The following BPTF variants were observed in gnomAD, a reference collection of about 807,000 sequenced individuals.
BPTF encodes bromodomain PHD finger transcription factor.
Under a neutral mutation model 292.5 loss-of-function variants are expected in BPTF, and 18 were observed. That is an observed-to-expected ratio of 0.06 (90% confidence interval 0.04 to 0.09). The LOEUF (loss-of-function observed/expected upper bound fraction) is 0.09. Among genes scored for constraint, BPTF ranks in the 10% least tolerant of loss-of-function variants. The pLI is 1.00. For missense variants in BPTF, 2,726 were observed against 3,498.7 expected, an observed-to-expected ratio of 0.78 and a Z score of 5.57; for synonymous variants, 1,225 against 1,251.9, an observed-to-expected ratio of 0.98 and a Z score of 0.45.
chr17:67,921,540 A>G (rs1005327317), intron 13 of BPTF, among the ~76,000 whole-genome samples: 8 of 152,106 alleles, frequency 5.3e-5, no homozygotes, highest in African/African-American at 1.9e-4. Flanking sequence ...TAAATAAATA[A>G]ATAAATAAAT....
chr17:67,968,861 A>G lies in BPTF; in HGVS notation c.8539+2205A>G, dbSNP rs141798356. ...GCCCGGCGTGGTGGCACATGCCTAT[A>G]ATCCTAGCTGCTCGGGAGGCTGAGG... On this transcript the variant is annotated intron_variant, in intron 26 of 27. Transcript: ENST00000306378. 9.9e-5 allele frequency among the ~76,000 whole-genome samples: 15 copies of G among 151,564 alleles called. No homozygotes were observed. The East Asian group carries it at 2.9e-3, about 29-fold the overall frequency.
chr17:67,943,607 G>A (rs1373613742), intron 19 of BPTF, among the ~76,000 whole-genome samples: 1 of 152,082 alleles, frequency 6.6e-6, no homozygotes, highest in Non-Finnish European at 1.5e-5. Flanking sequence ...GGCACGTATT[G>A]AAAGACAAAA....
chr17:67,913,085 AAGG>A lies in BPTF; in HGVS notation c.5206_5208del (p.Gly1736del). The A allele has an allele frequency of 6.2e-7, 1 of 1,614,176 alleles. No homozygotes were observed. On this transcript the variant is annotated inframe_deletion, in exon 11 of 28. Transcript: ENST00000306378. ...GATGACTTAAAAAAGTTGGCCCGAA[AAGG>A]AGGAATCCGAGAGGTCCCTTATTTT...
At position 67,923,055 on chromosome 17, in the gene BPTF, ACT is replaced by A; in HGVS notation, c.5708+66_5708+67del. On this transcript the variant is annotated intron_variant, in intron 14 of 27. Coordinates refer to ENST00000306378, the MANE Select transcript of BPTF (RefSeq NM_182641.4). ...TTTATCACTTCAGAATCAATAAATT[ACT>A]TTTTTTTTTTTTTTTTGAGACAGGA... 5 of 1,370,054 alleles carry A rather than the reference ACT, an allele frequency of 3.6e-6. No homozygotes were observed. The South Asian group carries it at 7.8e-5, about 21-fold the overall frequency. 84.9% of individuals were successfully genotyped at this position (1,370,054 alleles called of 1,614,324 possible).
chr17:67,906,020 G>A (rs2062164015), intron 9 of BPTF, among the ~76,000 whole-genome samples: 2 of 152,074 alleles, frequency 1.3e-5, no homozygotes, highest in South Asian at 2.1e-4. Context: ...TGCACGTTGT[G>A]CGCACGTACC....
chr17:67,856,295 T>C lies in BPTF; in HGVS notation c.1436+1533T>C, dbSNP rs1288277028. Among the ~76,000 whole-genome samples the C allele has an allele frequency of 4.6e-5, 7 of 152,260 alleles. No homozygotes were observed. The East Asian group carries it at 1.3e-3, about 29-fold the overall frequency. On this transcript the variant is annotated intron_variant, in intron 2 of 27. Coordinates refer to ENST00000306378, the MANE Select transcript of BPTF (RefSeq NM_182641.4). Reference sequence around the variant, plus strand: ...TTTTTATTATCTAAGAGCTCTTTTGTTTTTAGAATCTTCCTTTAAAAAAAA... The same window carrying C: ...TTTTTATTATCTAAGAGCTCTTTTGCTTTTAGAATCTTCCTTTAAAAAAAA...
At chr17:67,943,702 G>T (rs2065576472) in intron 19 of BPTF, among the ~76,000 whole-genome samples, 1 of 152,080 alleles carries the variant, frequency 6.6e-6, no homozygotes, top group Non-Finnish European at 1.5e-5. Context: ...TCTTAGTTGG[G>T]AATCAGAAGA....
At chr17:67,975,704 C>T (rs1156478057) in intron 26 of BPTF, 68 bp from the exon 27 acceptor site, 2 of 1,415,626 alleles carry the variant, frequency 1.4e-6, no homozygotes, top group East Asian at 4.7e-5. Context: ...CTTGTTAGAA[C>T]TTCGGAGAAT....
At chr17:67,923,029 T>C in intron 14 of BPTF, 39 bp downstream of exon 14, 1 of 1,577,828 alleles carries the variant, frequency 6.3e-7, no homozygotes, top group East Asian at 2.2e-5. Context: ...TATTTGAAGA[T>C]TTTATCACTT....
At chr17:67,914,362 A>G (rs1304192113) in intron 11 of BPTF, among the ~76,000 whole-genome samples, 2 of 152,246 alleles carry the variant, frequency 1.3e-5, no homozygotes, top group Non-Finnish European at 2.9e-5. Context: ...GATTTGAAAT[A>G]AAATATCATC....
At chr17:67,902,947 G>C (rs1034000043) in intron 7 of BPTF, among the ~76,000 whole-genome samples, 4 of 152,318 alleles carry the variant, frequency 2.6e-5, no homozygotes, top group South Asian at 2.1e-4. Flanking sequence ...GTGTCTCTCT[G>C]AGAAATATTC....
rs1555697178 is a variant in BPTF at position 67,982,463 on chromosome 17, A to G, written c.*175A>G. 1 of 501,824 alleles carries G rather than the reference A, an allele frequency of 2.0e-6. No individual in the cohort carries two copies. Among genetic ancestry groups the G allele is most frequent in the Admixed American group, 4.0e-5 (1 of 25,198 alleles). The allele number at this position is 501,824 out of a possible 1,614,324, so 31.1% of individuals were successfully genotyped here. A position where few individuals can be genotyped will look rare whatever the true frequency, so the allele number is the denominator to read the frequency against. On this transcript the variant is annotated 3_prime_UTR_variant, in exon 28 of 28. Transcript: ENST00000306378. Reference sequence around the variant, plus strand: ...TCTTGGCCAATTTTGTCCAACGGACAAGAAAAAAGCAAAGTCAACGACACC... The same window carrying G: ...TCTTGGCCAATTTTGTCCAACGGACGAGAAAAAAGCAAAGTCAACGACACC...
intron 23 of BPTF, among the ~76,000 whole-genome samples, chr17:67,952,543 G>A (rs547343141): frequency 9.9e-5 from 15 of 152,082 alleles, no homozygotes; most frequent in East Asian, 3.9e-4. Context: ...GATTCCAGGC[G>A]TGAGCCACCA....
chr17:67,963,097 T>C (rs2067675651), intron 24 of BPTF, among the ~76,000 whole-genome samples: 1 of 152,178 alleles, frequency 6.6e-6, no homozygotes, highest in Non-Finnish European at 1.5e-5. Context: ...GACCCATATT[T>C]CACTAAGCAG....
chr17:67,948,594 T>C (rs904010661), intron 23 of BPTF, among the ~76,000 whole-genome samples: 1 of 152,206 alleles, frequency 6.6e-6, no homozygotes, highest in Non-Finnish European at 1.5e-5. Context: ...GTCTATGACA[T>C]AGTCTAGCCA....
rs2062693954 is a variant in BPTF at position 67,912,115 on chromosome 17, GATA to G, written c.4236_4238del (p.Asn1412del). Reference sequence around the variant, plus strand: ...AAGTACATTTCAAATAAATGGAAAAGATAATAAACCCAAAATATATTTGAAAGG... The same window carrying G: ...AAGTACATTTCAAATAAATGGAAAAGATAAACCCAAAATATATTTGAAAGG... On this transcript the variant is annotated inframe_deletion, in exon 11 of 28. Transcript: ENST00000306378. 1.2e-6 allele frequency: 2 copies of G among 1,608,568 alleles called. No individual in the cohort carries two copies. The highest frequency in any genetic ancestry group is 2.2e-5 in the East Asian group (1 of 44,868).
chr17:67,916,365 G>A (rs2062986093), intron 11 of BPTF, among the ~76,000 whole-genome samples: 1 of 152,150 alleles, frequency 6.6e-6, no homozygotes, highest in African/African-American at 2.4e-5. Flanking sequence ...CGAGGCAGGT[G>A]GATCACCTGA....
intron 2 of BPTF, among the ~76,000 whole-genome samples, chr17:67,857,137 C>A (rs949755201): frequency 6.9e-6 from 1 of 145,236 alleles, no homozygotes; most frequent in East Asian, 2.1e-4. Flanking sequence ...CTTATGAGTT[C>A]GTCTTTAACA....
chr17:67,910,884 GGAGCTCTTA>G lies in BPTF; in HGVS notation c.3003_3011del (p.Glu1001_Leu1003del). 6.3e-7 allele frequency: 1 copy of G among 1,575,068 alleles called. No individual in the cohort carries two copies. Among genetic ancestry groups the G allele is most frequent in the Non-Finnish European group, 8.6e-7 (1 of 1,161,906 alleles). ...AATGTCTTTGTTTCACAGATGTGAAGGAGCTCTTAGATTCTGACAGTGATAAACCCTGCA... is the reference window on the plus strand; with the variant it reads ...AATGTCTTTGTTTCACAGATGTGAAGGATTCTGACAGTGATAAACCCTGCA... On this transcript the variant is annotated inframe_deletion, in exon 11 of 28. Coordinates refer to ENST00000306378, the MANE Select transcript of BPTF (RefSeq NM_182641.4).
Sources: gnomAD v4.1 joint callset for allele counts (sites outside exome capture counted in the v4.1 genomes callset) on GRCh38, gnomAD v4.1.1 for gene constraint, MANE v1.5 for transcripts, NCBI Gene and HGNC (gene_info 2026-07-23, HGNC 2026-07-21) for gene names.